Variants in SNX4 observed in about 807,000 individuals in gnomAD.
SNX4 encodes sorting nexin-4.
SNX4 carries 49 observed loss-of-function variants against 70.8 expected under a neutral mutation model. The observed-to-expected ratio is 0.69, with a 90% confidence interval of 0.55 to 0.88. The LOEUF is 0.88. SNX4 is among the 40% of genes least tolerant of loss of function. The pLI is 0.00. For synonymous variants in SNX4, 206 were observed against 183.8 expected, an observed-to-expected ratio of 1.12 and a Z score of -0.98; for missense variants, 528 against 544.8, an observed-to-expected ratio of 0.97 and a Z score of 0.31.
At chr3:125,515,774 GCTGTGGCTCA>G (rs999667342) in intron 1 of SNX4, among the ~76,000 whole-genome samples, 4 of 151,994 alleles carry the variant, frequency 2.6e-5, no homozygotes, top group African/African-American at 9.7e-5. Flanking sequence ...GGGGCTGGGT[GCTGTGGCTCA>G]CTCTTGTAAT....
chr3:125,520,149 G>T lies in SNX4; in HGVS notation c.24C>A (p.Pro8=). The T allele has an allele frequency of 7.0e-7, 1 of 1,433,526 alleles. No homozygotes were observed. Among genetic ancestry groups the T allele is most frequent in the South Asian group, 1.5e-5 (1 of 66,900 alleles). The allele number at this position is 1,433,526 out of a possible 1,614,324, so 88.8% of individuals were successfully genotyped here. A position where few individuals can be genotyped will look rare whatever the true frequency, so the allele number is the denominator to read the frequency against. The change falls in exon 1 of 14, where the codon CCC becomes CCA. Residue 8 remains proline (P), a synonymous_variant. Coordinates refer to ENST00000251775, the MANE Select transcript of SNX4 (RefSeq NM_003794.4). The part of the protein sequence containing the change: MEQAPPD[P]ERQLQPAPLE... Reference sequence around the variant, plus strand: ...AGGGCGCCGGCTGGAGCTGCCGCTCGGGGTCCGGAGGTGCCTGCTCCATGG... The same window carrying T: ...AGGGCGCCGGCTGGAGCTGCCGCTCTGGGTCCGGAGGTGCCTGCTCCATGG...
At chr3:125,515,493 C>G (rs1405307785) in intron 1 of SNX4, among the ~76,000 whole-genome samples, 1 of 150,662 alleles carries the variant, frequency 6.6e-6, no homozygotes, top group East Asian at 2.0e-4. Flanking sequence ...GAGATCTTGT[C>G]TCTACAAAAA....
Position 125,495,277 on chromosome 3 carries a change from T to TATATATATACAC in SNX4, c.597+2063_597+2064insGTGTATATATAT. 2.6e-3 allele frequency among the ~76,000 whole-genome samples: 255 copies of TATATATATACAC among 99,570 alleles called. 1 individual carries two copies. The highest frequency in any genetic ancestry group is 0.011 in the Middle Eastern group (2 of 180). The allele number at this position is 99,570 out of a possible 152,430, so 65.3% of individuals were successfully genotyped here. ...ATATATATATATATATATATATATA[T>TATATATATACAC]ACACATACACACACACACACGTATG... On this transcript the variant is annotated intron_variant, in intron 5 of 13. Transcript: ENST00000251775.
intron 1 of SNX4, among the ~76,000 whole-genome samples, chr3:125,517,918 A>G (rs1935316589): frequency 6.6e-6 from 1 of 151,936 alleles, no homozygotes; most frequent in Non-Finnish European, 1.5e-5. Flanking sequence ...AGAGGTCTGC[A>G]GTGACCCGAG....
intron 13 of SNX4, among the ~76,000 whole-genome samples, chr3:125,451,076 G>A (rs1390593558): frequency 6.6e-6 from 1 of 151,662 alleles, no homozygotes; most frequent in Non-Finnish European, 1.5e-5. Flanking sequence ...GACCAGCCTG[G>A]GCAACATAGC....
At position 125,495,275 on chromosome 3, in the gene SNX4, T is replaced by TATATATATATACACACAC; in HGVS notation, c.597+2065_597+2066insGTGTGTGTATATATATAT. 7.7e-3 allele frequency among the ~76,000 whole-genome samples: 641 copies of TATATATATATACACACAC among 83,024 alleles called. 24 individuals are homozygous for TATATATATATACACACAC. Among genetic ancestry groups the TATATATATATACACACAC allele is most frequent in the East Asian group, 0.028 (61 of 2,204 alleles). 54.5% of individuals were successfully genotyped at this position (83,024 alleles called of 152,430 possible). On this transcript the variant is annotated intron_variant, in intron 5 of 13. Coordinates refer to ENST00000251775, the MANE Select transcript of SNX4 (RefSeq NM_003794.4). ...TTATATATATATATATATATATATA[T>TATATATATATACACACAC]ATACACATACACACACACACACGTA...
At chr3:125,472,090 T>C (rs1297601318) in intron 8 of SNX4, among the ~76,000 whole-genome samples, 1 of 152,202 alleles carries the variant, frequency 6.6e-6, no homozygotes, top group Non-Finnish European at 1.5e-5. Flanking sequence ...TGTCAGTCCT[T>C]TTCTAGTCAC....
chr3:125,510,546 G>A (rs533225311), intron 1 of SNX4, among the ~76,000 whole-genome samples: 15 of 152,012 alleles, frequency 9.9e-5, no homozygotes, highest in Non-Finnish European at 1.3e-4. Flanking sequence ...TTTTTTGAAC[G>A]TGATATATAT....
intron 1 of SNX4, among the ~76,000 whole-genome samples, chr3:125,505,512 T>A (rs931999156): frequency 3.3e-5 from 5 of 152,194 alleles, no homozygotes; most frequent in African/African-American, 4.8e-5. Context: ...CAGCTACCTA[T>A]CCCTTAGTGC....
intron 2 of SNX4, among the ~76,000 whole-genome samples, chr3:125,503,721 C>T (rs1200291586): frequency 1.3e-5 from 2 of 152,124 alleles, no homozygotes; most frequent in Non-Finnish European, 2.9e-5. Context: ...TACAGAATTG[C>T]ACAGGGATTC....
At chr3:125,455,697 T>C (rs1228746808) in intron 11 of SNX4, among the ~76,000 whole-genome samples, 1 of 152,114 alleles carries the variant, frequency 6.6e-6, no homozygotes, top group Non-Finnish European at 1.5e-5. Context: ...CAGTGGGTAA[T>C]CTCTGTGAAA....
intron 9 of SNX4, among the ~76,000 whole-genome samples, chr3:125,468,325 C>T (rs1178899594): frequency 6.6e-6 from 1 of 152,190 alleles, no homozygotes; most frequent in African/African-American, 2.4e-5. Flanking sequence ...ATGATCTGTA[C>T]ACCAAATCCC....
Position 125,516,480 on chromosome 3 carries a change from A to G in SNX4, c.141+3552T>C, listed in dbSNP as rs1283498883. Among the ~76,000 whole-genome samples, 7 of 152,356 alleles carry G rather than the reference A, an allele frequency of 4.6e-5. No homozygotes were observed. The East Asian group carries it at 1.3e-3, about 29-fold the overall frequency. The stretch of plus-strand genomic sequence containing the variant: ...GAGTCTTGTGACTCTTTGGCGGTGC[A>G]GTTTCCACAACCTCTTGGGGTAGGA... On this transcript the variant is annotated intron_variant, in intron 1 of 13. Coordinates refer to ENST00000251775, the MANE Select transcript of SNX4 (RefSeq NM_003794.4).
intron 9 of SNX4, among the ~76,000 whole-genome samples, chr3:125,467,975 G>T (rs1216755795): frequency 6.6e-6 from 1 of 152,112 alleles, no homozygotes; most frequent in Non-Finnish European, 1.5e-5. Context: ...CAATAGCGAA[G>T]ACATGGAATC....
chr3:125,481,458 T>C (rs1934407908), intron 6 of SNX4, among the ~76,000 whole-genome samples: 2 of 151,866 alleles, frequency 1.3e-5, no homozygotes, highest in Admixed American at 6.6e-5. Flanking sequence ...TTTTTTTTTT[T>C]TTTTTTTGAG....
At chr3:125,472,362 A>C (rs1249540560) in intron 8 of SNX4, among the ~76,000 whole-genome samples, 1 of 152,150 alleles carries the variant, frequency 6.6e-6, no homozygotes, top group Non-Finnish European at 1.5e-5. Context: ...CATCTCCCAC[A>C]AACTGGCGCT....
chr3:125,487,044 T>TG (rs760045818), intron 6 of SNX4, among the ~76,000 whole-genome samples: 7 of 152,144 alleles, frequency 4.6e-5, no homozygotes, highest in Non-Finnish European at 8.8e-5. Flanking sequence ...AAGATAAACA[T>TG]GAATGAAGCG....
chr3:125,489,553 C>A, intron 5 of SNX4, 90 bp from the exon 6 acceptor site: 1 of 974,402 alleles, frequency 1.0e-6, no homozygotes, highest in Non-Finnish European at 1.6e-6. Flanking sequence ...TTAAGATGCT[C>A]AAGTACAGTT....
chr3:125,460,143 G>T (rs565553531), intron 10 of SNX4, among the ~76,000 whole-genome samples: 1 of 147,060 alleles, frequency 6.8e-6, no homozygotes, highest in African/African-American at 2.5e-5. Context: ...GCAGTGAGCC[G>T]AGATCACGCC....
Sources: gnomAD v4.1 joint callset for allele counts (sites outside exome capture counted in the v4.1 genomes callset) on GRCh38, gnomAD v4.1.1 for gene constraint, MANE v1.5 for transcripts, NCBI Gene and HGNC (gene_info 2026-07-23, HGNC 2026-07-21) for gene names.